NHSL1: variants seen among roughly 807,000 people sequenced by gnomAD.
NHSL1 encodes the protein NHS like 1.
Under a neutral mutation model 95.0 loss-of-function variants are expected in NHSL1, and 48 were observed. The observed-to-expected ratio is 0.51, with a 90% CI of 0.40 to 0.64. The LOEUF is 0.64. Ranked by LOEUF, NHSL1 falls within the 30% of genes least tolerant of loss-of-function variation. NHSL1 has a pLI of 0.00. For synonymous variants in NHSL1, 783 were observed against 833.9 expected (o/e 0.94, Z 1.05); for missense variants, 1,971 against 2,077.7 (o/e 0.95, Z 1.00).
intron 1 of NHSL1, among the ~76,000 whole-genome samples, chr6:138,532,348 T>C (rs1782170437): frequency 6.6e-6 from 1 of 152,216 alleles, no homozygotes; most frequent in African/African-American, 2.4e-5. Context: ...AACTGAAGAC[T>C]TTTTAACCAG....
intron 1 of NHSL1, among the ~76,000 whole-genome samples, chr6:138,674,961 T>A (rs929163683): frequency 6.6e-6 from 1 of 151,564 alleles, no homozygotes; most frequent in Non-Finnish European, 1.5e-5. Context: ...GGTGAGAGGA[T>A]GGCTTGAGCC....
At position 138,670,742 on chromosome 6, in the gene NHSL1, C is replaced by T. The variant is rs1785356404; in HGVS notation, c.96+21734G>A. Reference sequence around the variant, plus strand: ...AGACAGTACATCAATAAACTAAAAGCAGGATGTTATATAAAAGAATACCCA... The same window carrying T: ...AGACAGTACATCAATAAACTAAAAGTAGGATGTTATATAAAAGAATACCCA... On this transcript the variant is annotated intron_variant, in intron 1 of 3. Coordinates refer to the NHSL1 transcript ENST00000491526. Among the ~76,000 whole-genome samples the T allele has an allele frequency of 2.7e-5, 4 of 150,780 alleles. No individual in the cohort carries two copies. The South Asian group carries it at 8.4e-4, about 32-fold the overall frequency.
rs527350242 is a variant in NHSL1, at chr6:138,591,770, G to A, written c.97-95399C>T. Among the ~76,000 whole-genome samples, 4 of 152,230 alleles carry A rather than the reference G, an allele frequency of 2.6e-5. No homozygotes were observed. In the East Asian group the frequency reaches 5.8e-4, roughly 22 times the overall value. ...TCAATTGAGCGCGGTTCTAAGTCGC[G>A]TGATGAAATCTCCCACCGTCCTGCT... On this transcript the variant is annotated intron_variant, in intron 1 of 3. Transcript: ENST00000491526.
chr6:138,593,058 C>T (rs1435020816), intron 1 of NHSL1, among the ~76,000 whole-genome samples: 1 of 152,192 alleles, frequency 6.6e-6, no homozygotes, highest in Non-Finnish European at 1.5e-5. Context: ...GGATGAATCC[C>T]ATCTGAAAGC....
chr6:138,655,519 C>T (rs1350827460), intron 1 of NHSL1, among the ~76,000 whole-genome samples: 2 of 152,088 alleles, frequency 1.3e-5, no homozygotes, highest in East Asian at 1.9e-4. Flanking sequence ...TTTAAAAATC[C>T]GTGAAATAGA....
chr6:138,501,936 A>T (rs1780704314), upstream of NHSL1, among the ~76,000 whole-genome samples: 1 of 152,086 alleles, frequency 6.6e-6, no homozygotes, highest in South Asian at 2.1e-4. Context: ...AAAAATATGT[A>T]TTTTTTTTAT....
At chr6:138,599,007 T>A (rs541595358) in intron 1 of NHSL1, among the ~76,000 whole-genome samples, 28 of 152,336 alleles carry the variant, frequency 1.8e-4, no homozygotes, top group African/African-American at 6.5e-4. Context: ...TCAGATTCCC[T>A]GTTTAATCAT....
chr6:138,447,964 G>A (rs1776971891), intron 3 of NHSL1, among the ~76,000 whole-genome samples: 1 of 152,060 alleles, frequency 6.6e-6, no homozygotes, highest in Admixed American at 6.5e-5. Flanking sequence ...AGCTATTGTT[G>A]TTCAACTATT....
Position 138,437,329 on chromosome 6 carries a change from CAT to C in NHSL1, c.665-3651_665-3650del, listed in dbSNP as rs777583497. 3.8e-4 allele frequency among the ~76,000 whole-genome samples: 38 copies of C among 100,948 alleles called. 3 individuals are homozygous for C. The highest frequency in any genetic ancestry group is 1.0e-3 in the Admixed American group (10 of 9,590). 66.2% of individuals were successfully genotyped at this position (100,948 alleles called of 152,430 possible). On this transcript the variant is annotated intron_variant, in intron 5 of 7. Transcript: ENST00000343505. ...ATATATATATATATATACACACACA[CAT>C]ATATATATATACACATATATATATA...
intron 3 of NHSL1, among the ~76,000 whole-genome samples, chr6:138,458,204 CTTCTA>C (rs1239413086): frequency 6.6e-6 from 1 of 152,204 alleles, no homozygotes; most frequent in South Asian, 2.1e-4. Flanking sequence ...TATTTCTAGA[CTTCTA>C]TTCTGTTTTT....
intron 1 of NHSL1, among the ~76,000 whole-genome samples, chr6:138,665,574 G>C (rs1048671239): frequency 2.0e-5 from 3 of 152,206 alleles, no homozygotes; most frequent in African/African-American, 7.2e-5. Flanking sequence ...TGGCTGGATG[G>C]ATGGATAAAT....
chr6:138,488,882 C>T (rs1779871245), intron 2 of NHSL1, among the ~76,000 whole-genome samples: 1 of 152,188 alleles, frequency 6.6e-6, no homozygotes, highest in African/African-American at 2.4e-5. Flanking sequence ...GAACCCTTAA[C>T]TTCTCTGGGT....
Position 138,424,700 on chromosome 6 carries a change from T to G in NHSL1, c.4202A>C (p.Gln1401Pro), listed in dbSNP as rs562415326. 1 of 1,551,560 alleles carries G rather than the reference T, an allele frequency of 6.4e-7. No individual in the cohort carries two copies. Among genetic ancestry groups the G allele is most frequent in the East Asian group, 2.4e-5 (1 of 40,908 alleles). The change falls in exon 8 of 8, where the codon CAA (glutamine) becomes CCA (proline). Residue 1401 changes from glutamine (Q) to proline (P), a missense_variant. By Grantham distance (76) the Gln-to-Pro change is moderately conservative. Transcript: ENST00000343505. This position sits in a 1 kb window ranked among gnomAD's most constrained non-coding sequence, Gnocchi z 5.9. ...GATGCTTCTCTGAATCGACCCCACT[T>G]GCTTTGGAGAGGCCAGGCTTGGGGC... ...GAAPSLASPK[Q>P]VGSIQRSIRK...
chr6:138,579,878 G>A (rs1052942725), intron 1 of NHSL1, among the ~76,000 whole-genome samples: 1 of 152,074 alleles, frequency 6.6e-6, no homozygotes, highest in Non-Finnish European at 1.5e-5. Flanking sequence ...TGCTTACACC[G>A]AATATATCTG....
chr6:138,610,818 C>G (rs972836584), intron 1 of NHSL1, among the ~76,000 whole-genome samples: 1 of 152,102 alleles, frequency 6.6e-6, no homozygotes, highest in Non-Finnish European at 1.5e-5. Flanking sequence ...TGGCTCATGC[C>G]TGTAATCCCA....
intron 1 of NHSL1, among the ~76,000 whole-genome samples, chr6:138,581,396 G>T (rs150988464): frequency 2.0e-5 from 3 of 152,168 alleles, no homozygotes; most frequent in African/African-American, 7.2e-5. Flanking sequence ...GCAACTCAGA[G>T]AAATTTTTCA....
At chr6:138,447,439 T>C (rs529595670) in intron 3 of NHSL1, among the ~76,000 whole-genome samples, 2 of 152,220 alleles carry the variant, frequency 1.3e-5, no homozygotes, top group East Asian at 1.9e-4. Flanking sequence ...CACAAAATCT[T>C]TGAAGTCCTT....
chr6:138,507,361 T>C (rs1583324111), intron 1 of NHSL1, among the ~76,000 whole-genome samples: 1 of 152,236 alleles, frequency 6.6e-6, no homozygotes, highest in Non-Finnish European at 1.5e-5. Context: ...TATGCTGATC[T>C]GGCCTCTCCA....
intron 1 of NHSL1, among the ~76,000 whole-genome samples, chr6:138,629,875 T>A (rs1180604842): frequency 6.6e-6 from 1 of 152,232 alleles, no homozygotes; most frequent in Non-Finnish European, 1.5e-5. Flanking sequence ...CATAAAGTTG[T>A]ATAGTCTACA....
Sources: allele counts gnomAD v4.1 joint callset (sites outside exome capture counted in the v4.1 genomes callset), GRCh38; gene constraint gnomAD v4.1.1; non-coding constraint Gnocchi (gnomAD v3.1); transcripts MANE v1.5; gene names NCBI Gene and HGNC (gene_info 2026-07-23, HGNC 2026-07-21).